The following CAMTA1 variants were observed in gnomAD, a reference collection of about 807,000 sequenced individuals.
CAMTA1 encodes calmodulin binding transcription activator 1.
A neutral mutation model predicts 170.9 loss-of-function variants in CAMTA1; 27 were observed. The observed-to-expected ratio is 0.16, with a 90% CI of 0.12 to 0.22. CAMTA1 has a LOEUF of 0.22. Among genes scored for constraint, CAMTA1 ranks in the 10% least tolerant of loss-of-function variants. The pLI is 1.00. For synonymous variants in CAMTA1, 833 were observed against 891.5 expected (o/e 0.93, Z 1.17); for missense variants, 1,619 against 2,217.2 (o/e 0.73, Z 5.42).
chr1:7,270,825 G>A (rs1669688100), intron 5 of CAMTA1, among the ~76,000 whole-genome samples: 1 of 152,146 alleles, frequency 6.6e-6, no homozygotes, highest in Non-Finnish European at 1.5e-5. Context: ...AAAAACAATG[G>A]TAAATGTGTA....
intron 5 of CAMTA1, among the ~76,000 whole-genome samples, chr1:7,418,735 A>T (rs901063506): frequency 1.3e-5 from 2 of 152,118 alleles, no homozygotes; most frequent in Non-Finnish European, 2.9e-5. Flanking sequence ...CAGCCTGCCC[A>T]TCTTGGTCAG....
At chr1:7,543,212 A>G (rs191841375) in intron 6 of CAMTA1, among the ~76,000 whole-genome samples, 69 of 152,308 alleles carry the variant, frequency 4.5e-4, no homozygotes, top group African/African-American at 1.6e-3. Flanking sequence ...TCTTCTGGAT[A>G]TGCTGTAATT....
intron 3 of CAMTA1, among the ~76,000 whole-genome samples, chr1:6,854,497 A>G (rs1247117170): frequency 6.6e-6 from 1 of 152,228 alleles, no homozygotes; most frequent in Non-Finnish European, 1.5e-5. Flanking sequence ...TTGTTAAGCA[A>G]CAAAAGACTG....
At chr1:7,743,904 G>C (rs2096836988) in intron 16 of CAMTA1, among the ~76,000 whole-genome samples, 1 of 149,456 alleles carries the variant, frequency 6.7e-6, no homozygotes, top group Non-Finnish European at 1.5e-5. Flanking sequence ...TTGGCTTACT[G>C]CAAGCTCCAC....
At chr1:7,418,239 G>A (rs1043352759) in intron 5 of CAMTA1, among the ~76,000 whole-genome samples, 2 of 152,052 alleles carry the variant, frequency 1.3e-5, no homozygotes, top group African/African-American at 4.8e-5. Flanking sequence ...TTTGTCACCT[G>A]AGCTGGAGTG....
chr1:7,613,183 T>G (rs778957107), intron 6 of CAMTA1, among the ~76,000 whole-genome samples: 1 of 152,108 alleles, frequency 6.6e-6, no homozygotes, highest in Admixed American at 6.5e-5. Flanking sequence ...CGGGATGGGA[T>G]GTAGATGAGT....
intron 3 of CAMTA1, among the ~76,000 whole-genome samples, chr1:6,953,374 A>C (rs1031233661): frequency 2.6e-5 from 4 of 152,160 alleles, no homozygotes; most frequent in African/African-American, 9.7e-5. Flanking sequence ...CGTGGCCAAG[A>C]TCTCAGTTGG....
At chr1:7,714,813 C>T (rs1271893114) in intron 11 of CAMTA1, among the ~76,000 whole-genome samples, 2 of 152,066 alleles carry the variant, frequency 1.3e-5, no homozygotes, top group South Asian at 2.1e-4. Flanking sequence ...TGAGCCACCA[C>T]GTTTGGCCCA....
At chr1:7,716,824 T>A (rs1382266900) in intron 11 of CAMTA1, among the ~76,000 whole-genome samples, 3 of 152,232 alleles carry the variant, frequency 2.0e-5, no homozygotes, top group Non-Finnish European at 4.4e-5. Flanking sequence ...TGCACTCCTG[T>A]GTTTATTGCA....
At chr1:7,389,822 TGGA>T (rs2088482917) in intron 5 of CAMTA1, 2 of 152,920 alleles carry the variant, frequency 1.3e-5, no homozygotes, top group African/African-American at 2.4e-5. Flanking sequence ...AAGGGAATCT[TGGA>T]GGAGAAGGCA....
chr1:7,229,255 AT>A (rs1346848812), intron 4 of CAMTA1, among the ~76,000 whole-genome samples: 1 of 150,992 alleles, frequency 6.6e-6, no homozygotes, highest in Non-Finnish European at 1.5e-5. Context: ...ACTGTGGGCC[AT>A]TTCCCAGATT....
At chr1:7,367,340 G>C (rs909083997) in intron 5 of CAMTA1, among the ~76,000 whole-genome samples, 7 of 152,224 alleles carry the variant, frequency 4.6e-5, no homozygotes, top group African/African-American at 1.7e-4. Context: ...AGACCAGACT[G>C]CCCCCGTCCC....
At chr1:7,061,637 C>T (rs1170829071) in intron 3 of CAMTA1, among the ~76,000 whole-genome samples, 7 of 145,054 alleles carry the variant, frequency 4.8e-5, no homozygotes, top group Non-Finnish European at 1.1e-4. Flanking sequence ...TCACTGTCAG[C>T]GGCGGAAACC....
intron 16 of CAMTA1, among the ~76,000 whole-genome samples, chr1:7,739,962 A>G (rs933345117): frequency 6.6e-6 from 1 of 152,034 alleles, no homozygotes; most frequent in Non-Finnish European, 1.5e-5. Flanking sequence ...TTTCCCTACC[A>G]CAACACATGG....
At chr1:7,281,179 A>G (rs1363507024) in intron 5 of CAMTA1, among the ~76,000 whole-genome samples, 3 of 152,222 alleles carry the variant, frequency 2.0e-5, no homozygotes, top group Non-Finnish European at 4.4e-5. Context: ...TATTAAAGAC[A>G]TTCGTTCAGT....
chr1:7,272,484 A>G (rs921494859), intron 5 of CAMTA1, among the ~76,000 whole-genome samples: 1 of 152,240 alleles, frequency 6.6e-6, no homozygotes, highest in East Asian at 1.9e-4. Context: ...AAAATTCTCA[A>G]TTTCAAAACT....
chr1:6,820,502 A>G (rs1646364819), intron 2 of CAMTA1, among the ~76,000 whole-genome samples: 1 of 152,228 alleles, frequency 6.6e-6, no homozygotes, highest in African/African-American at 2.4e-5. Flanking sequence ...AAAGCACTTA[A>G]CAAATGTTTG....
At chr1:7,678,462 G>A (rs2096146840) in intron 11 of CAMTA1, among the ~76,000 whole-genome samples, 1 of 152,228 alleles carries the variant, frequency 6.6e-6, no homozygotes. Flanking sequence ...AGAGCTGCCA[G>A]CCTTGGCCAT....
chr1:7,332,431 A>G (rs779524752), intron 5 of CAMTA1, among the ~76,000 whole-genome samples: 2 of 152,310 alleles, frequency 1.3e-5, no homozygotes, highest in Non-Finnish European at 2.9e-5. Context: ...TATAAATACA[A>G]GTCTGTTTGC....
Sources: allele counts gnomAD v4.1 joint callset (sites outside exome capture counted in the v4.1 genomes callset), GRCh38; gene constraint gnomAD v4.1.1; transcripts MANE v1.5; gene names NCBI Gene and HGNC (gene_info 2026-07-23, HGNC 2026-07-21).